The following NID2 variants were observed in gnomAD, a reference collection of about 807,000 sequenced individuals.
The protein encoded by NID2 is nidogen 2, also known as nidogen-2.
A neutral mutation model predicts 145.4 loss-of-function variants in NID2; 83 were observed. The ratio of observed to expected loss-of-function variants is 0.57; its 90% CI spans 0.48 to 0.69. The LOEUF (loss-of-function observed/expected upper bound fraction) is 0.69. Among genes scored for constraint, NID2 ranks in the 30% least tolerant of loss-of-function variants. The pLI is 0.00. For missense variants in NID2, 1,807 were observed against 1,765.7 expected (o/e 1.02, Z -0.42); for synonymous variants, 739 against 701.3 (o/e 1.05, Z -0.85).
At chr14:52,037,861 TTC>T in intron 9 of NID2, among the ~76,000 whole-genome samples, 1 of 152,358 alleles carries the variant, frequency 6.6e-6, no homozygotes, top group East Asian at 1.9e-4. Context: ...AGTACTGCAC[TTC>T]TTTTTAAAAA....
intron 8 of NID2, among the ~76,000 whole-genome samples, chr14:52,039,863 G>C (rs567962519): frequency 6.6e-6 from 1 of 152,318 alleles, no homozygotes; most frequent in East Asian, 1.9e-4. Context: ...ATATTAAATG[G>C]CAAGTCCAGG....
At chr14:52,056,329 A>G (rs1225492656) in intron 3 of NID2, among the ~76,000 whole-genome samples, 1 of 152,236 alleles carries the variant, frequency 6.6e-6, no homozygotes, top group African/African-American at 2.4e-5. Context: ...GTCATTATGC[A>G]TAATGGAAAA....
rs757747671 is a variant in NID2 at position 52,019,097 on chromosome 14, G to T, written c.2992C>A (p.Pro998Thr). 2.5e-6 allele frequency: 4 copies of T among 1,614,122 alleles called. No individual in the cohort carries two copies. The highest frequency in any genetic ancestry group is 1.1e-5 in the South Asian group (1 of 91,078). The change falls in exon 14 of 22, where the codon CCT (proline) becomes ACT (threonine). Residue 998 changes from proline (P) to threonine (T), a missense_variant. Transcript: ENST00000216286. ...CCACAGTGAGGCGGGGTGGAGCCAGGTGGAGTCTGGGTACCAGGAACTTCA... is the reference window on the plus strand; with the variant it reads ...CCACAGTGAGGCGGGGTGGAGCCAGTTGGAGTCTGGGTACCAGGAACTTCA... ...GHEVPGTQTP[P>T]GSTPPHCGPS... is the part of the protein sequence containing the mutation.
chr14:52,028,931 C>A (rs1257034267), intron 10 of NID2, 81 bp from the exon 11 acceptor site: 7 of 1,431,202 alleles, frequency 4.9e-6, no homozygotes, highest in Non-Finnish European at 6.7e-6. Flanking sequence ...AATGTTTTCT[C>A]ACTAGTATGA....
At position 52,042,325 on chromosome 14, in the gene NID2, T is replaced by G. The variant is rs748316387; in HGVS notation, c.1605A>C (p.Lys535Asn). Reference protein sequence around the residue: ...PEGAPHRVNGKVSGHLHVGHT... With the variant: ...PEGAPHRVNGNVSGHLHVGHT... ...GGCCCACGTGGAGGTGGCCACTCAC[T>G]TTCCCATTCACTCGGTGAGGTGCCC... Residue 535 changes from lysine (K) to asparagine (N), a missense_variant, in exon 7 of 22, where the codon AAA becomes AAC. Coordinates refer to ENST00000216286, the MANE Select transcript of NID2 (RefSeq NM_007361.4). 2.2e-5 allele frequency: 36 copies of G among 1,612,544 alleles called. No individual in the cohort carries two copies. Among genetic ancestry groups the G allele is most frequent in the Non-Finnish European group, 3.1e-5 (36 of 1,178,810 alleles).
chr14:52,066,256 G>C (rs1166014645), intron 2 of NID2, among the ~76,000 whole-genome samples: 2 of 151,436 alleles, frequency 1.3e-5, no homozygotes, highest in African/African-American at 2.4e-5. Context: ...AGAGTAACAG[G>C]ATGGTTACCA....
rs1303895541 is a variant in NID2 at position 52,065,608 on chromosome 14, C to T, written c.534+2250G>A. ...CATGCTGGTGCGCTGCACCCACTAA[C>T]GTGTCATCTAGCATTAGGTATATCT... On this transcript the variant is annotated intron_variant, in intron 2 of 21. Transcript: ENST00000216286. Among the ~76,000 whole-genome samples, 8 of 125,294 alleles carry T rather than the reference C, an allele frequency of 6.4e-5. No homozygotes were observed. The South Asian group carries it at 8.5e-4, about 13-fold the overall frequency. 82.2% of individuals were successfully genotyped at this position (125,294 alleles called of 152,430 possible). A position where few individuals can be genotyped will look rare whatever the true frequency, so the allele number is the denominator to read the frequency against.
At chr14:52,047,279 G>C (rs1339539017) in intron 5 of NID2, among the ~76,000 whole-genome samples, 1 of 152,124 alleles carries the variant, frequency 6.6e-6, no homozygotes, top group Non-Finnish European at 1.5e-5. Flanking sequence ...GGTGTACATG[G>C]CTCTTTTTAA....
In NID2 at chr14:52,060,293, G is replaced by C; in HGVS notation, c.598C>G (p.Pro200Ala). 1.9e-6 allele frequency: 3 copies of C among 1,608,802 alleles called. No individual in the cohort carries two copies. The highest frequency in any genetic ancestry group is 2.5e-6 in the Non-Finnish European group (3 of 1,178,540). The change falls in exon 3 of 22, where the codon CCT becomes GCT. Residue 200 changes from proline (P) to alanine (A), a missense_variant. Coordinates refer to ENST00000216286, the MANE Select transcript of NID2 (RefSeq NM_007361.4). ...GSDSYALFLY[P>A]ANGLQFLGTR... is the part of the protein sequence containing the mutation. ...CCAAGGAACTGCAGGCCGTTGGCAG[G>C]ATAAAGAAAGAGGGCGTAGCTATCA...
chr14:52,069,036 G>T lies in NID2; in HGVS notation c.-42C>A. The T allele has an allele frequency of 1.3e-6, 2 of 1,493,882 alleles. No individual in the cohort carries two copies. Among genetic ancestry groups the T allele is most frequent in the Non-Finnish European group, 1.8e-6 (2 of 1,092,860 alleles). The allele number at this position is 1,493,882 out of a possible 1,614,324, so 92.5% of individuals were successfully genotyped here. A position where few individuals can be genotyped will look rare whatever the true frequency, so the allele number is the denominator to read the frequency against. ...GCTTACCCGCTGCACAACGCGTCCC[G>T]CCCCGGCCTCCAGCCCACTCTCCGC... is the stretch of plus-strand genomic sequence containing the variant. On this transcript the variant is annotated 5_prime_UTR_variant, in exon 1 of 22. Coordinates refer to ENST00000216286, the MANE Select transcript of NID2 (RefSeq NM_007361.4).
chr14:52,061,888 G>A (rs2140433326), intron 2 of NID2, among the ~76,000 whole-genome samples: 1 of 152,282 alleles, frequency 6.6e-6, no homozygotes, highest in East Asian at 1.9e-4. Context: ...TTACAATTTA[G>A]TAAGGAACTG....
At chr14:52,039,001 T>C in intron 8 of NID2, 24 bp from the exon 9 acceptor site, 2 of 1,507,630 alleles carry the variant, frequency 1.3e-6, no homozygotes, top group Non-Finnish European at 1.8e-6. Context: ...AGTGGTAATT[T>C]TTTAAAAATA....
intron 16 of NID2, among the ~76,000 whole-genome samples, chr14:52,012,957 T>C (rs1418456807): frequency 6.6e-6 from 1 of 152,184 alleles, no homozygotes; most frequent in African/African-American, 2.4e-5. Context: ...AGAAAGATTG[T>C]ACAAAACGGG....
At chr14:52,030,474 G>GAAAGAAA (rs1555363663) in intron 9 of NID2, among the ~76,000 whole-genome samples, 2 of 82,902 alleles carry the variant, frequency 2.4e-5, no homozygotes, top group South Asian at 4.7e-4. Flanking sequence ...CTTATCTCGA[G>GAAAGAAA]AGAAAGAAAA....
chr14:52,062,340 T>C (rs1039272808), intron 2 of NID2, among the ~76,000 whole-genome samples: 4 of 152,260 alleles, frequency 2.6e-5, no homozygotes, highest in Admixed American at 6.5e-5. Context: ...CAGTTGTTGA[T>C]TGTTCATCAG....
intron 20 of NID2, chr14:52,006,309 A>T (rs1890779768): frequency 2.0e-6 from 1 of 497,532 alleles, no homozygotes; most frequent in South Asian, 2.4e-5. Flanking sequence ...TTTAAGCTAT[A>T]TGTGAGCAAT....
At chr14:52,009,209 T>C (rs892175152) in intron 18 of NID2, 1 of 152,196 alleles carries the variant, frequency 6.6e-6, no homozygotes, top group Non-Finnish European at 1.5e-5. Flanking sequence ...GTTTCCACTT[T>C]GCGCTAAGGT....
intron 21 of NID2, 59 bp downstream of exon 21, chr14:52,005,678 A>G (rs772892159): frequency 1.1e-5 from 16 of 1,443,188 alleles, no homozygotes; most frequent in Admixed American, 1.7e-5. Flanking sequence ...ATCAAATACC[A>G]TATATATCCC....
At chr14:52,030,612 GAAAA>G (rs1566755885) in intron 9 of NID2, among the ~76,000 whole-genome samples, 1 of 116,098 alleles carries the variant, frequency 8.6e-6, no homozygotes, top group African/African-American at 3.2e-5. Context: ...GAAAGAGAAA[GAAAA>G]AGAAAGAAAG....
Sources: gnomAD v4.1 joint callset for allele counts (sites outside exome capture counted in the v4.1 genomes callset) on GRCh38, gnomAD v4.1.1 for gene constraint, MANE v1.5 for transcripts, NCBI Gene and HGNC (gene_info 2026-07-23, HGNC 2026-07-21) for gene names.